EDNRB: variants seen among roughly 807,000 people sequenced by gnomAD.
EDNRB encodes Hirschsprung disease 2.
EDNRB carries 18 observed loss-of-function variants against 46.4 expected under a neutral mutation model. The observed-to-expected ratio is 0.39, with a 90% CI of 0.27 to 0.57. The LOEUF is 0.57. EDNRB is among the 20% of genes least tolerant of loss of function. The pLI, the probability that EDNRB is intolerant of heterozygous loss-of-function variation, is 0.61. For missense variants in EDNRB, 434 were observed against 537.5 expected (o/e 0.81, Z 1.90); for synonymous variants, 213 against 204.9 (o/e 1.04, Z -0.34).
intron 1 of EDNRB, among the ~76,000 whole-genome samples, chr13:77,971,381 G>A (rs1160628481): frequency 2.6e-5 from 4 of 152,190 alleles, no homozygotes; most frequent in Non-Finnish European, 5.9e-5. Flanking sequence ...GTGCTAACAG[G>A]GCCATTGCTG....
chr13:77,960,016 C>CT (rs1881358386), intron 1 of EDNRB, among the ~76,000 whole-genome samples: 1 of 152,134 alleles, frequency 6.6e-6, no homozygotes. Flanking sequence ...TGAACAAAGC[C>CT]TCCAAGAAAT....
At chr13:77,909,196 C>T (rs1442873167) in intron 1 of EDNRB, among the ~76,000 whole-genome samples, 1 of 151,970 alleles carries the variant, frequency 6.6e-6, no homozygotes, top group Admixed American at 6.6e-5. Flanking sequence ...TATAACTTTA[C>T]CTTGGAACAG....
upstream of EDNRB, among the ~76,000 whole-genome samples, chr13:77,923,858 T>G (rs1394809013): frequency 2.0e-5 from 3 of 151,900 alleles, no homozygotes; most frequent in Non-Finnish European, 1.5e-5. Flanking sequence ...AAAGGAGAAT[T>G]CCCACAGCAG....
At chr13:77,902,341 T>C (rs1879038467) in intron 3 of EDNRB, among the ~76,000 whole-genome samples, 1 of 151,974 alleles carries the variant, frequency 6.6e-6, no homozygotes, top group South Asian at 2.1e-4. Flanking sequence ...TGTCAGTGTG[T>C]TCAGCTTCCC....
chr13:77,922,269 C>T (rs2068779), upstream of EDNRB, among the ~76,000 whole-genome samples: 2,887 of 152,196 alleles, frequency 0.019, 36 homozygotes, highest in Non-Finnish European at 0.03. Context: ...GACAATGTCC[C>T]AGTATTTCCT....
intron 1 of EDNRB, among the ~76,000 whole-genome samples, chr13:77,967,239 C>T (rs1265751209): frequency 6.6e-6 from 1 of 152,140 alleles, no homozygotes; most frequent in Non-Finnish European, 1.5e-5. Flanking sequence ...TTCAACCCTA[C>T]ATCCCCAACC....
intron 1 of EDNRB, among the ~76,000 whole-genome samples, chr13:77,959,893 A>G (rs1423106306): frequency 6.6e-6 from 1 of 152,288 alleles, no homozygotes; most frequent in East Asian, 1.9e-4. Context: ...TGATGAATGC[A>G]CAAGCTTCAG....
rs79320031 is a variant in EDNRB at position 77,954,918 on chromosome 13, G to T, written c.-52+20429C>A. On this transcript the variant is annotated intron_variant, in intron 1 of 7. Coordinates refer to the EDNRB transcript ENST00000646948. ...TATCTTGGCTATTGTAAACAACACT[G>T]CAATGAACATAAAAATGTAGCTATC... Among the ~76,000 whole-genome samples the T allele has an allele frequency of 7.5e-3, 1,144 of 152,180 alleles. 15 individuals are homozygous for T. Among genetic ancestry groups the T allele is most frequent in the African/African-American group, 0.026 (1,091 of 41,522 alleles).
intron 1 of EDNRB, among the ~76,000 whole-genome samples, chr13:77,942,719 TATTA>T (rs1172597253): frequency 1.3e-5 from 2 of 152,106 alleles, no homozygotes; most frequent in Admixed American, 1.3e-4. Context: ...ATAATTTTTC[TATTA>T]ATTAAAAATA....
intron 1 of EDNRB, among the ~76,000 whole-genome samples, chr13:77,962,734 C>A (rs985269528): frequency 6.6e-6 from 1 of 152,152 alleles, no homozygotes; most frequent in Non-Finnish European, 1.5e-5. Context: ...CCCTCTCTCA[C>A]CACTCCTATT....
rs1409210976 is a variant in EDNRB at position 77,896,834 on chromosome 13, C to T, written c.*1366G>A. On this transcript the variant is annotated 3_prime_UTR_variant, in exon 7 of 7. Transcript: ENST00000646607. ...CACACACATCTCATCCCAAGCTATC[C>T]TAAGGCACTTTGCTTAGAAGATATA... The T allele has an allele frequency of 2.7e-6, 3 of 1,122,738 alleles. No homozygotes were observed. Among genetic ancestry groups the T allele is most frequent in the East Asian group, 1.3e-4 (2 of 15,846 alleles). The allele number at this position is 1,122,738 out of a possible 1,614,324, so 69.5% of individuals were successfully genotyped here.
Position 77,896,890 on chromosome 13 carries a change from G to A in EDNRB, c.*1310C>T, listed in dbSNP as rs3027095. On this transcript the variant is annotated 3_prime_UTR_variant, in exon 7 of 7. Coordinates refer to ENST00000646607, the MANE Select transcript of EDNRB (RefSeq NM_001122659.3). ...TAGGCAGGAACGCACAAAGCTAAGA[G>A]GTTCTTACGGTCTCAAAAAGCAGTT... 0.017 allele frequency: 17,096 copies of A among 1,004,178 alleles called. 171 individuals are homozygous for A. The highest frequency in any genetic ancestry group is 0.043 in the Middle Eastern group (87 of 2,034). 62.2% of individuals were successfully genotyped at this position (1,004,178 alleles called of 1,614,324 possible). A position where few individuals can be genotyped will look rare whatever the true frequency, so the allele number is the denominator to read the frequency against.
chr13:77,935,302 A>T (rs1032405562), intron 1 of EDNRB, among the ~76,000 whole-genome samples: 1 of 152,186 alleles, frequency 6.6e-6, no homozygotes, highest in African/African-American at 2.4e-5. Flanking sequence ...AAGAATTCCA[A>T]CTGCACAGCC....
chr13:77,911,349 A>G (rs553261526), intron 1 of EDNRB, among the ~76,000 whole-genome samples: 1 of 152,218 alleles, frequency 6.6e-6, no homozygotes, highest in African/African-American at 2.4e-5. Context: ...ATCTTATGGG[A>G]GACTAATAAG....
chr13:77,970,522 G>A (rs186180189), intron 1 of EDNRB, among the ~76,000 whole-genome samples: 7 of 152,192 alleles, frequency 4.6e-5, no homozygotes, highest in East Asian at 1.9e-4. Flanking sequence ...CTTATGAGCC[G>A]TCTTGTGCAT....
chr13:77,898,050 G>A lies in EDNRB; in HGVS notation c.*150C>T. 1 of 1,455,008 alleles carries A rather than the reference G, an allele frequency of 6.9e-7. No individual in the cohort carries two copies. Among genetic ancestry groups the A allele is most frequent in the Non-Finnish European group, 9.0e-7 (1 of 1,106,014 alleles). 90.1% of individuals were successfully genotyped at this position (1,455,008 alleles called of 1,614,324 possible). A position where few individuals can be genotyped will look rare whatever the true frequency, so the allele number is the denominator to read the frequency against. On this transcript the variant is annotated 3_prime_UTR_variant, in exon 7 of 7. Coordinates refer to ENST00000646607, the MANE Select transcript of EDNRB (RefSeq NM_001122659.3). ...AACAGCTCATAAAATGTCATATGTA[G>A]CTGTGAGTGTTAAAATAATTACACT... is the stretch of plus-strand genomic sequence containing the variant.
At chr13:77,917,473 A>G (rs1879869098) in intron 1 of EDNRB, among the ~76,000 whole-genome samples, 1 of 152,210 alleles carries the variant, frequency 6.6e-6, no homozygotes, top group East Asian at 1.9e-4. Flanking sequence ...AAAGTCTTCC[A>G]AAACAGTCCT....
chr13:77,971,439 T>A lies in EDNRB; in HGVS notation c.-52+3908A>T, dbSNP rs145879247. On this transcript the variant is annotated intron_variant, in intron 1 of 7. Coordinates refer to the EDNRB transcript ENST00000646948. ...CCAGCCTTTGGAAACTCCATCTAGTTGTTTTGAGAGATAGGCCACTGGCCT... is the reference window on the plus strand; with the variant it reads ...CCAGCCTTTGGAAACTCCATCTAGTAGTTTTGAGAGATAGGCCACTGGCCT... Among the ~76,000 whole-genome samples, 966 of 152,274 alleles carry A rather than the reference T, an allele frequency of 6.3e-3. 12 individuals carry two copies. Among genetic ancestry groups the A allele is most frequent in the African/African-American group, 0.021 (887 of 41,556 alleles).
intron 1 of EDNRB, among the ~76,000 whole-genome samples, chr13:77,933,445 G>GCC (rs1484518015): frequency 2.0e-5 from 3 of 152,144 alleles, no homozygotes; most frequent in African/African-American, 7.2e-5. Flanking sequence ...CAGTAGGGGA[G>GCC]CTTTTGAGCC....
Sources: gnomAD v4.1 joint callset for allele counts (sites outside exome capture counted in the v4.1 genomes callset) on GRCh38, gnomAD v4.1.1 for gene constraint, MANE v1.5 for transcripts, NCBI Gene and HGNC (gene_info 2026-07-23, HGNC 2026-07-21) for gene names.